The following GPC6 variants were observed in gnomAD, a reference collection of about 807,000 sequenced individuals.
GPC6 encodes the protein glypican-6.
In GPC6, 14 loss-of-function variants were observed where a neutral mutation model predicts 55.2. The observed-to-expected ratio is 0.25, with a 90% CI of 0.17 to 0.40. GPC6 has a LOEUF of 0.40. GPC6 is among the 10% of genes least tolerant of loss of function. The probability of loss-of-function intolerance (pLI) is 1.00; values close to 1 mark genes in which losing one functional copy is unlikely to be tolerated. For synonymous variants in GPC6, 278 were observed against 259.6 expected (o/e 1.07, Z -0.68); for missense variants, 641 against 708.5 (o/e 0.90, Z 1.08).
At chr13:93,511,941 C>T (rs557501974) in intron 1 of GPC6, among the ~76,000 whole-genome samples, 5 of 151,826 alleles carry the variant, frequency 3.3e-5, no homozygotes, top group African/African-American at 1.2e-4. Context: ...GTTTTTGTAG[C>T]TATTTTAAAT....
intron 3 of GPC6, among the ~76,000 whole-genome samples, chr13:93,928,572 C>A (rs180925450): frequency 1.3e-5 from 2 of 152,084 alleles, no homozygotes; most frequent in Admixed American, 6.5e-5. Context: ...GGGGAAAAGA[C>A]CTTCAAACCT....
At chr13:93,636,930 T>G (rs7324886) in intron 2 of GPC6, among the ~76,000 whole-genome samples, 3 of 149,896 alleles carry the variant, frequency 2.0e-5, no homozygotes, top group African/African-American at 7.5e-5. Context: ...TGGTATAGTT[T>G]TTTTTTTTTT....
intron 1 of GPC6, among the ~76,000 whole-genome samples, chr13:93,426,268 G>T (rs1245266494): frequency 2.0e-5 from 3 of 151,666 alleles, no homozygotes; most frequent in East Asian, 1.9e-4. Flanking sequence ...TAAGTTTTAG[G>T]GTACATGTGC....
At chr13:94,274,033 A>G (rs1005864855) in intron 4 of GPC6, among the ~76,000 whole-genome samples, 8 of 152,220 alleles carry the variant, frequency 5.3e-5, no homozygotes, top group Non-Finnish European at 1.0e-4. Flanking sequence ...CTTATGATGT[A>G]ACTAAACATC....
chr13:93,663,095 CAAAAAAA>C (rs35257700), intron 2 of GPC6, among the ~76,000 whole-genome samples: 3 of 111,176 alleles, frequency 2.7e-5, no homozygotes, highest in Non-Finnish European at 4.1e-5. Flanking sequence ...TGACTGGTTG[CAAAAAAA>C]AAAAAAAAAA....
At chr13:93,979,381 G>A (rs371191210) in intron 3 of GPC6, among the ~76,000 whole-genome samples, 5 of 148,746 alleles carry the variant, frequency 3.4e-5, no homozygotes, top group East Asian at 3.9e-4. Flanking sequence ...ACTTTGATTA[G>A]TAGACTACTC....
intron 1 of GPC6, among the ~76,000 whole-genome samples, chr13:93,460,023 A>C (rs779719086): frequency 3.3e-4 from 50 of 152,180 alleles, no homozygotes; most frequent in Non-Finnish European, 1.3e-4. Flanking sequence ...GTGTGTGTTC[A>C]CCATTATCTA....
At chr13:93,282,390 C>T (rs942877685) in intron 1 of GPC6, among the ~76,000 whole-genome samples, 1 of 152,114 alleles carries the variant, frequency 6.6e-6, no homozygotes, top group Non-Finnish European at 1.5e-5. Flanking sequence ...CCCTCATCCT[C>T]TCTTCCCAGA....
intron 1 of GPC6, among the ~76,000 whole-genome samples, chr13:93,368,370 T>TTCCTTCCG (rs1566320685): frequency 2.9e-4 from 36 of 124,594 alleles, no homozygotes; most frequent in South Asian, 6.1e-4. Context: ...CCTTCCTTCC[T>TTCCTTCCG]TCCTTCCTTC....
chr13:93,277,598 T>G (rs1179062482), intron 1 of GPC6, among the ~76,000 whole-genome samples: 1 of 152,184 alleles, frequency 6.6e-6, no homozygotes, highest in African/African-American at 2.4e-5. Flanking sequence ...GCTCAGAGAT[T>G]TCTAGAGACT....
At chr13:94,068,991 G>GCAGTGT (rs1177577159) in intron 4 of GPC6, among the ~76,000 whole-genome samples, 1 of 152,192 alleles carries the variant, frequency 6.6e-6, no homozygotes, top group African/African-American at 2.4e-5. Flanking sequence ...GCTCCACTAG[G>GCAGTGT]CAGTGTCCCA....
At chr13:93,699,267 A>G (rs1413479141) in intron 2 of GPC6, among the ~76,000 whole-genome samples, 1 of 152,164 alleles carries the variant, frequency 6.6e-6, no homozygotes. Flanking sequence ...TTTAAATTAA[A>G]GAGAGAAGGA....
chr13:94,015,116 T>G (rs1475491263), intron 3 of GPC6, among the ~76,000 whole-genome samples: 1 of 152,166 alleles, frequency 6.6e-6, no homozygotes, highest in Non-Finnish European at 1.5e-5. Flanking sequence ...TGCCAAACTG[T>G]TTTTCCAATG....
intron 3 of GPC6, among the ~76,000 whole-genome samples, chr13:93,873,335 G>A (rs1008671851): frequency 4.6e-5 from 7 of 151,866 alleles, no homozygotes; most frequent in Admixed American, 4.6e-4. Context: ...TTTTTGGTGG[G>A]AGGAGTGACT....
chr13:94,115,258 C>T (rs1465119684), intron 4 of GPC6, among the ~76,000 whole-genome samples: 1 of 152,004 alleles, frequency 6.6e-6, no homozygotes, highest in Non-Finnish European at 1.5e-5. Context: ...TCCAGGGGGC[C>T]ATTTAGCTAT....
chr13:93,737,467 C>T (rs981940017), intron 2 of GPC6, among the ~76,000 whole-genome samples: 1 of 152,076 alleles, frequency 6.6e-6, no homozygotes, highest in Non-Finnish European at 1.5e-5. Context: ...GTAGAAAATA[C>T]TTGGAAAACT....
At chr13:94,320,054 T>G (rs1044873857) in intron 6 of GPC6, among the ~76,000 whole-genome samples, 11 of 152,196 alleles carry the variant, frequency 7.2e-5, no homozygotes, top group Admixed American at 3.9e-4. Flanking sequence ...AACCTTTCTT[T>G]CTTTCTTGCC....
chr13:93,597,360 T>A (rs999787741), intron 2 of GPC6, among the ~76,000 whole-genome samples: 1 of 152,182 alleles, frequency 6.6e-6, no homozygotes, highest in African/African-American at 2.4e-5. Context: ...CCTTTCCCTA[T>A]GGTGGTGTGA....
intron 2 of GPC6, among the ~76,000 whole-genome samples, chr13:93,735,930 G>A (rs1352074524): frequency 6.6e-6 from 1 of 152,202 alleles, no homozygotes; most frequent in Non-Finnish European, 1.5e-5. Context: ...CAAGGGTCTT[G>A]TTCCTTTTGC....
Sources: gnomAD v4.1 joint callset for allele counts (sites outside exome capture counted in the v4.1 genomes callset) on GRCh38, gnomAD v4.1.1 for gene constraint, MANE v1.5 for transcripts, NCBI Gene and HGNC (gene_info 2026-07-23, HGNC 2026-07-21) for gene names.